FTSJ1: variants seen among roughly 807,000 people sequenced by gnomAD.
FTSJ1 encodes FtsJ RNA 2'-O-methyltransferase 1.
In FTSJ1, 3 loss-of-function variants were observed where a neutral mutation model predicts 28.5. That is an observed-to-expected ratio of 0.11 (90% CI 0.05 to 0.27). The LOEUF is 0.27. Ranked by LOEUF, FTSJ1 falls within the 10% of genes least tolerant of loss-of-function variation. FTSJ1 has a pLI of 1.00. For missense variants in FTSJ1, 162 were observed against 279.0 expected (o/e 0.58, Z 2.99); for synonymous variants, 104 against 113.9 (o/e 0.91, Z 0.55).
In FTSJ1 at chrX:48,486,111, A is replaced by T. The variant is rs1485802786; in HGVS notation, c.*385A>T. On this transcript the variant is annotated 3_prime_UTR_variant, in exon 13 of 13. Transcript: ENST00000348411. Reference sequence around the variant, plus strand: ...AAATTTAGCCTTACTCCCAAGTTATAAATGCTGGCAACAAATCACAGTAGT... The same window carrying T: ...AAATTTAGCCTTACTCCCAAGTTATTAATGCTGGCAACAAATCACAGTAGT... 1 of 112,342 alleles carries T rather than the reference A, an allele frequency of 8.9e-6. No homozygotes were observed. Among genetic ancestry groups the T allele is most frequent in the African/African-American group, 3.2e-5 (1 of 30,893 alleles). The allele number at this position is 112,342 out of a possible 1,213,427, so 9.3% of individuals were successfully genotyped here. A position where few individuals can be genotyped will look rare whatever the true frequency, so the allele number is the denominator to read the frequency against.
Position 48,478,184 on chromosome X carries a change from G to A in FTSJ1, c.121+16G>A, listed in dbSNP as rs1556967015. Reference sequence around the variant, plus strand: ...CTCTTCCAAGGTCCCTGACTGGTGGGCAGGTCACTGGGCGGTGAGGTGGGC... The same window carrying A: ...CTCTTCCAAGGTCCCTGACTGGTGGACAGGTCACTGGGCGGTGAGGTGGGC... On this transcript the variant is annotated intron_variant, in intron 2 of 12. Coordinates refer to ENST00000348411, the MANE Select transcript of FTSJ1 (RefSeq NM_012280.4). 3 of 1,199,674 alleles carry A rather than the reference G, an allele frequency of 2.5e-6. No homozygotes were observed. The highest frequency in any genetic ancestry group is 3.6e-5 in the South Asian group (2 of 55,700).
intron 4 of FTSJ1, 44 bp downstream of exon 4, chrX:48,478,751 G>A (rs782215593): frequency 3.3e-6 from 3 of 922,548 alleles, no homozygotes; most frequent in Non-Finnish European, 4.7e-6. Flanking sequence ...CTGGGTGAAG[G>A]CCCTTACCTG....
Position 48,485,899 on chromosome X carries a change from G to A in FTSJ1, c.*173G>A, listed in dbSNP as rs1395748091. ...GACAACAAGGAAAGAAACCATGAAA[G>A]TCTGTCTGTACTGCAGTGGGAATTC... is the stretch of plus-strand genomic sequence containing the variant. On this transcript the variant is annotated 3_prime_UTR_variant, in exon 13 of 13. Transcript: ENST00000348411. 5 of 112,045 alleles carry A rather than the reference G, an allele frequency of 4.5e-5. No homozygotes were observed. The highest frequency in any genetic ancestry group is 1.6e-4 in the African/African-American group (5 of 30,819). 9.2% of individuals were successfully genotyped at this position (112,045 alleles called of 1,213,427 possible). A position where few individuals can be genotyped will look rare whatever the true frequency, so the allele number is the denominator to read the frequency against.
At chrX:48,476,566 G>A in intron 1 of FTSJ1, 170 bp downstream of exon 1, 1 of 237,535 alleles carries the variant, frequency 4.2e-6, no homozygotes, top group South Asian at 2.6e-4. Context: ...TCTGCAGAAG[G>A]GGACCAGTAG....
At position 48,486,188 on chromosome X, in the gene FTSJ1, T is replaced by C. The variant is rs1326888539; in HGVS notation, c.*462T>C. ...CAATACAAACCAGTTACAGCAACTGTAATGTAACATAAAAAGGGCATCTTG... is the reference window on the plus strand; with the variant it reads ...CAATACAAACCAGTTACAGCAACTGCAATGTAACATAAAAAGGGCATCTTG... On this transcript the variant is annotated 3_prime_UTR_variant, in exon 13 of 13. Transcript: ENST00000348411. 1 of 112,338 alleles carries C rather than the reference T, an allele frequency of 8.9e-6. No individual in the cohort carries two copies. Among genetic ancestry groups the C allele is most frequent in the Non-Finnish European group, 1.9e-5 (1 of 53,306 alleles). 9.3% of individuals were successfully genotyped at this position (112,338 alleles called of 1,213,427 possible). A position where few individuals can be genotyped will look rare whatever the true frequency, so the allele number is the denominator to read the frequency against.
chrX:48,483,088 A>T, intron 12 of FTSJ1, 61 bp downstream of exon 12: 1 of 902,705 alleles, frequency 1.1e-6, no homozygotes, highest in Non-Finnish European at 1.6e-6. Flanking sequence ...AAACCTCAGT[A>T]AAATTTCACC....
At chrX:48,479,941 C>T (rs1023763768) in intron 5 of FTSJ1, among the ~76,000 whole-genome samples, 2 of 111,328 alleles carry the variant, frequency 1.8e-5, no homozygotes, top group East Asian at 2.8e-4. Context: ...GTCAGGAGTT[C>T]GAGACCAGCC....
At position 48,483,027 on chromosome X, in the gene FTSJ1, G is replaced by T. The variant is rs1556969211; in HGVS notation, c.*9G>T. ...TGAGTTGTTCACCTTAACCCATTAC[G>T]GTAAGTTTGCCTTGTTATCTAAGAG... On this transcript the variant is annotated splice_region_variant and 3_prime_UTR_variant, in exon 12 of 13. Coordinates refer to ENST00000348411, the MANE Select transcript of FTSJ1 (RefSeq NM_012280.4). 2.5e-6 allele frequency: 3 copies of T among 1,194,168 alleles called. No individual in the cohort carries two copies. The East Asian group carries it at 8.9e-5, about 35-fold the overall frequency.
Position 48,477,963 on chromosome X carries a change from G to A in FTSJ1, c.-85G>A, listed in dbSNP as rs140370809. On this transcript the variant is annotated splice_region_variant and 5_prime_UTR_variant, in exon 2 of 13. Coordinates refer to ENST00000348411, the MANE Select transcript of FTSJ1 (RefSeq NM_012280.4). Reference sequence around the variant, plus strand: ...GTGTGGTTCTCTCCGCCCTACAGAGGTAGGTGGTAGCCCATTCATCTGGTT... The same window carrying A: ...GTGTGGTTCTCTCCGCCCTACAGAGATAGGTGGTAGCCCATTCATCTGGTT... 2.0e-3 allele frequency: 2,368 copies of A among 1,193,329 alleles called. 33 individuals are homozygous for A. In the African/African-American group the frequency reaches 0.036, roughly 18 times the overall value.
At chrX:48,485,210 C>T (rs2147100722) in intron 12 of FTSJ1, among the ~76,000 whole-genome samples, 1 of 111,976 alleles carries the variant, frequency 8.9e-6, no homozygotes, top group Non-Finnish European at 1.9e-5. Flanking sequence ...AGGAGAATCA[C>T]TTGAACCTGG....
chrX:48,478,997 G>A, intron 4 of FTSJ1, 41 bp from the exon 5 acceptor site: 1 of 1,024,994 alleles, frequency 9.8e-7, no homozygotes, highest in Non-Finnish European at 1.4e-6. Context: ...GAGGGCAGCA[G>A]TGGAGGGCCG....
At chrX:48,482,822 T>G in intron 11 of FTSJ1, 28 bp downstream of exon 11, 1 of 1,206,543 alleles carries the variant, frequency 8.3e-7, no homozygotes, top group Non-Finnish European at 1.1e-6. Flanking sequence ...TCAGCCTGCC[T>G]TGACCCCTTC....
rs369621558 is a variant in FTSJ1 at position 48,476,232 on chromosome X, G to A, written c.-252G>A. 113 of 297,572 alleles carry A rather than the reference G, an allele frequency of 3.8e-4. 1 individual carries two copies. The highest frequency in any genetic ancestry group is 2.6e-3 in the African/African-American group (95 of 37,073). 24.5% of individuals were successfully genotyped at this position (297,572 alleles called of 1,213,427 possible). On this transcript the variant is annotated 5_prime_UTR_variant, in exon 1 of 13. Transcript: ENST00000348411. ...CAGGTCCCGGCCCGCCGGAACCTGGGCGATCCACGATGCCGAGTTTGCCAC... is the reference window on the plus strand; with the variant it reads ...CAGGTCCCGGCCCGCCGGAACCTGGACGATCCACGATGCCGAGTTTGCCAC...
intron 4 of FTSJ1, 70 bp downstream of exon 4, chrX:48,478,777 G>C: frequency 8.1e-6 from 6 of 743,212 alleles, no homozygotes; most frequent in Non-Finnish European, 1.2e-5. Flanking sequence ...TATGCAGAGT[G>C]GAAGAGAAAC....
chrX:48,476,672 T>C (rs1222318340), intron 1 of FTSJ1: 1 of 135,638 alleles, frequency 7.4e-6, no homozygotes, highest in Non-Finnish European at 1.5e-5. Context: ...CTTTGAGGTA[T>C]TGATGAGGAG....
At chrX:48,484,134 A>G (rs1393672313) in intron 12 of FTSJ1, among the ~76,000 whole-genome samples, 1 of 108,696 alleles carries the variant, frequency 9.2e-6, no homozygotes, top group Non-Finnish European at 1.9e-5. Context: ...CAGTGGCATG[A>G]TCTCAGCTCA....
intron 12 of FTSJ1, among the ~76,000 whole-genome samples, chrX:48,483,982 A>C (rs782742712): frequency 9.0e-6 from 1 of 111,521 alleles, no homozygotes; most frequent in Non-Finnish European, 1.9e-5. Context: ...TCCATAGCCA[A>C]ATGTTCTAAA....
At chrX:48,484,939 C>T in intron 12 of FTSJ1, among the ~76,000 whole-genome samples, 1 of 111,831 alleles carries the variant, frequency 8.9e-6, no homozygotes, top group South Asian at 3.7e-4. Context: ...GGTGCAGCCA[C>T]TGTGGAAACT....
At position 48,479,785 on chromosome X, in the gene FTSJ1, G is replaced by A. The variant is rs782729885; in HGVS notation, c.361+669G>A. ...TTGAGCCCAAGAGGTCGAGGTTACA[G>A]TACACTTTGATCGCACCACTGCACT... On this transcript the variant is annotated intron_variant, in intron 5 of 12. Transcript: ENST00000348411. Among the ~76,000 whole-genome samples, 10 of 111,925 alleles carry A rather than the reference G, an allele frequency of 8.9e-5. No individual in the cohort carries two copies. The East Asian group carries it at 2.8e-3, about 31-fold the overall frequency.
Sources: gnomAD v4.1 joint callset for allele counts (sites outside exome capture counted in the v4.1 genomes callset) on GRCh38, gnomAD v4.1.1 for gene constraint, MANE v1.5 for transcripts, NCBI Gene and HGNC (gene_info 2026-07-23, HGNC 2026-07-21) for gene names.